Variants in SORCS3 observed in about 807,000 individuals in gnomAD.
The protein encoded by SORCS3 is sortilin related VPS10 domain containing receptor 3.
Under a neutral mutation model 146.3 loss-of-function variants are expected in SORCS3, and 57 were observed. The observed-to-expected ratio is 0.39, with a 90% confidence interval of 0.31 to 0.49. The LOEUF (loss-of-function observed/expected upper bound fraction) is 0.49. SORCS3 is among the 20% of genes least tolerant of loss of function. The pLI is 0.92. For synonymous variants in SORCS3, 653 were observed against 618.5 expected, an observed-to-expected ratio of 1.06 and a Z score of -0.83; for missense variants, 1,341 against 1,575.5, an observed-to-expected ratio of 0.85 and a Z score of 2.52.
chr10:104,879,382 C>T (rs1000644366), intron 2 of SORCS3, among the ~76,000 whole-genome samples: 1 of 152,150 alleles, frequency 6.6e-6, no homozygotes, highest in Non-Finnish European at 1.5e-5. Context: ...TCCTTCTCAC[C>T]TCACCACTCT....
chr10:104,751,955 A>ATATATATATATATG (rs2016991833), intron 1 of SORCS3, among the ~76,000 whole-genome samples: 1 of 125,228 alleles, frequency 8.0e-6, no homozygotes, highest in African/African-American at 3.0e-5. Flanking sequence ...ATATATATAT[A>ATATATATATATATG]TATATATATA....
chr10:104,685,460 C>G (rs1415633361), intron 1 of SORCS3, among the ~76,000 whole-genome samples: 1 of 152,118 alleles, frequency 6.6e-6, no homozygotes, highest in Non-Finnish European at 1.5e-5. Flanking sequence ...CCCTGCCCAC[C>G]CAGGAGGAAG....
intron 18 of SORCS3, 36 bp downstream of exon 18, chr10:105,214,649 C>T (rs1166469220): frequency 1.3e-6 from 2 of 1,504,842 alleles, no homozygotes; most frequent in South Asian, 2.6e-5. Flanking sequence ...GTCAGAACTC[C>T]CAACCAGACC....
At chr10:104,967,560 A>C (rs1456660156) in intron 3 of SORCS3, among the ~76,000 whole-genome samples, 1 of 152,100 alleles carries the variant, frequency 6.6e-6, no homozygotes, top group Non-Finnish European at 1.5e-5. Context: ...TTTTCTCCAC[A>C]AAGTTCAGGA....
chr10:105,054,528 A>G, intron 5 of SORCS3, among the ~76,000 whole-genome samples: 1 of 152,056 alleles, frequency 6.6e-6, no homozygotes, highest in Middle Eastern at 3.4e-3. Context: ...ATAACTTAAT[A>G]ATTTTCCATA....
At chr10:104,653,430 G>A (rs1420768943) in intron 1 of SORCS3, among the ~76,000 whole-genome samples, 1 of 151,978 alleles carries the variant, frequency 6.6e-6, no homozygotes, top group Non-Finnish European at 1.5e-5. Context: ...TTGGATTAGT[G>A]CCTCTGTTTT....
At chr10:105,056,005 T>C (rs1029094694) in intron 5 of SORCS3, among the ~76,000 whole-genome samples, 1 of 152,234 alleles carries the variant, frequency 6.6e-6, no homozygotes, top group Admixed American at 6.5e-5. Context: ...CAAAAGAGTA[T>C]TGAAGGAAGT....
intron 7 of SORCS3, among the ~76,000 whole-genome samples, chr10:105,107,896 G>A (rs1287134494): frequency 6.6e-6 from 1 of 152,142 alleles, no homozygotes; most frequent in Non-Finnish European, 1.5e-5. Flanking sequence ...GTGACCTTGA[G>A]CTGTGCATCA....
At chr10:104,745,710 T>C (rs2016901081) in intron 1 of SORCS3, among the ~76,000 whole-genome samples, 1 of 152,202 alleles carries the variant, frequency 6.6e-6, no homozygotes, top group African/African-American at 2.4e-5. Flanking sequence ...TGAAACGTTG[T>C]ATCCTTTGAC....
intron 7 of SORCS3, among the ~76,000 whole-genome samples, chr10:105,117,431 T>A (rs2055901395): frequency 1.3e-5 from 2 of 152,186 alleles, no homozygotes; most frequent in South Asian, 4.1e-4. Context: ...AAGGCATTGT[T>A]CTCATCCCCA....
intron 1 of SORCS3, among the ~76,000 whole-genome samples, chr10:104,677,285 C>G (rs1026946977): frequency 6.6e-6 from 1 of 152,166 alleles, no homozygotes; most frequent in African/African-American, 2.4e-5. Flanking sequence ...TGGGCCAGCT[C>G]CCCTGTCGGT....
intron 16 of SORCS3, among the ~76,000 whole-genome samples, chr10:105,210,602 G>A (rs1190646228): frequency 1.3e-5 from 2 of 152,096 alleles, no homozygotes; most frequent in East Asian, 3.9e-4. Context: ...TTTTATTATG[G>A]CTAGGATTTT....
At chr10:105,121,120 A>T (rs2055929407) in intron 7 of SORCS3, among the ~76,000 whole-genome samples, 1 of 152,180 alleles carries the variant, frequency 6.6e-6, no homozygotes, top group Admixed American at 6.5e-5. Flanking sequence ...AATCTCTTTC[A>T]CTATTTGGAA....
At chr10:104,805,554 A>C (rs1233885295) in intron 1 of SORCS3, among the ~76,000 whole-genome samples, 1 of 152,152 alleles carries the variant, frequency 6.6e-6, no homozygotes, top group Non-Finnish European at 1.5e-5. Flanking sequence ...GTCAGGATTT[A>C]CCATGGGAGG....
At chr10:105,231,132 G>A (rs371158329) in intron 20 of SORCS3, among the ~76,000 whole-genome samples, 2 of 152,166 alleles carry the variant, frequency 1.3e-5, no homozygotes, top group African/African-American at 2.4e-5. Context: ...GTCCTTCACT[G>A]CTTTATGTGC....
chr10:105,105,973 C>T (rs1243797509), intron 7 of SORCS3, among the ~76,000 whole-genome samples: 1 of 152,138 alleles, frequency 6.6e-6, no homozygotes, highest in East Asian at 1.9e-4. Flanking sequence ...TCTCAATGTC[C>T]ATGTCCCAAA....
At chr10:104,884,254 A>G (rs1296285314) in intron 2 of SORCS3, among the ~76,000 whole-genome samples, 1 of 152,208 alleles carries the variant, frequency 6.6e-6, no homozygotes, top group Non-Finnish European at 1.5e-5. Flanking sequence ...CATTTAATGT[A>G]AGTATGCTTT....
At chr10:105,207,004 A>C (rs2056606210) in intron 16 of SORCS3, among the ~76,000 whole-genome samples, 1 of 152,142 alleles carries the variant, frequency 6.6e-6, no homozygotes, top group Non-Finnish European at 1.5e-5. Context: ...TGTCTGGAAG[A>C]GACCATGACT....
In SORCS3 at chr10:104,641,335, C is replaced by A; in HGVS notation, c.8C>A (p.Ala3Glu). The A allele has an allele frequency of 1.5e-6, 2 of 1,332,270 alleles. No individual in the cohort carries two copies. Among genetic ancestry groups the A allele is most frequent in the Non-Finnish European group, 9.6e-7 (1 of 1,046,002 alleles). 82.5% of individuals were successfully genotyped at this position (1,332,270 alleles called of 1,614,324 possible). ...CGCGGTAGCCGCAGCGGGATGGAGG[C>A]GGCGCGCACGGAGCGCCCCGCAGGC... Reference protein sequence around the residue: MEAARTERPAGRP... With the variant: MEEARTERPAGRP... The change falls in exon 1 of 27, where the codon GCG becomes GAG. Residue 3 changes from alanine to glutamate, a missense_variant. Physicochemically the swap from Ala to Glu is moderately radical, Grantham distance 107 (BLOSUM62 -1). Transcript: ENST00000369701. This position sits in a 1 kb window ranked among gnomAD's most constrained non-coding sequence, Gnocchi z 6.4.
Sources: gnomAD v4.1 joint callset for allele counts (sites outside exome capture counted in the v4.1 genomes callset) on GRCh38, gnomAD v4.1.1 for gene constraint, Gnocchi (gnomAD v3.1) non-coding constraint, MANE v1.5 for transcripts, NCBI Gene and HGNC (gene_info 2026-07-23, HGNC 2026-07-21) for gene names.